VWA5B1: variants seen among roughly 807,000 people sequenced by gnomAD.
VWA5B1 encodes the protein von Willebrand factor A domain containing 5B1, also known as von Willebrand factor A domain-containing protein 5B1.
A neutral mutation model predicts 118.2 loss-of-function variants in VWA5B1; 115 were observed. The ratio of observed to expected loss-of-function variants is 0.97; its 90% CI spans 0.84 to 1.14. VWA5B1 has a LOEUF of 1.14. VWA5B1 is among the 50% of genes most tolerant of loss of function. The probability of loss-of-function intolerance (pLI) is 0.00; values close to 1 mark genes in which losing one functional copy is unlikely to be tolerated. For synonymous variants in VWA5B1, 682 were observed against 658.4 expected (o/e 1.04, Z -0.55); for missense variants, 1,596 against 1,603.8 (o/e 1.00, Z 0.08).
At chr1:20,292,857 G>A (rs1299091126) in intron 1 of VWA5B1, among the ~76,000 whole-genome samples, 1 of 152,112 alleles carries the variant, frequency 6.6e-6, no homozygotes, top group African/African-American at 2.4e-5. Context: ...TGCCCGGGTG[G>A]GTGGCCTGCA....
chr1:20,313,581 A>G (rs947045889), intron 3 of VWA5B1, among the ~76,000 whole-genome samples: 1 of 152,258 alleles, frequency 6.6e-6, no homozygotes, highest in Non-Finnish European at 1.5e-5. Flanking sequence ...CCTTTTAGGC[A>G]GCACGTCACA....
chr1:20,333,467 A>T, intron 12 of VWA5B1, among the ~76,000 whole-genome samples: 1 of 152,168 alleles, frequency 6.6e-6, no homozygotes, highest in Non-Finnish European at 1.5e-5. Flanking sequence ...ACAGAGCGAG[A>T]CTCCGTCTCA....
chr1:20,347,190 G>C (rs935418567), intron 17 of VWA5B1, among the ~76,000 whole-genome samples: 9 of 152,152 alleles, frequency 5.9e-5, no homozygotes, highest in African/African-American at 2.2e-4. Flanking sequence ...GAAAATACCA[G>C]ATTAGGAAAT....
chr1:20,323,568 G>A (rs1191649092), intron 8 of VWA5B1, 36 bp downstream of exon 8: 12 of 1,347,432 alleles, frequency 8.9e-6, no homozygotes, highest in African/African-American at 1.5e-5. Context: ...AGGACCCGGG[G>A]CTCCAGGGGA....
In VWA5B1 at chr1:20,314,647, G is replaced by A. The variant is rs867351948; in HGVS notation, c.563+55G>A. The A allele has an allele frequency of 1.3e-4, 192 of 1,531,566 alleles. 1 individual carries two copies. The African/African-American group carries it at 1.8e-3, about 15-fold the overall frequency. 94.9% of individuals were successfully genotyped at this position (1,531,566 alleles called of 1,614,324 possible). On this transcript the variant is annotated intron_variant, in intron 4 of 21. Transcript: ENST00000289815. ...GTCCCAGGTGGGCAGCAGAGAGTGCGTCAGGTGACATTAGTAGGGGACAGG... is the reference window on the plus strand; with the variant it reads ...GTCCCAGGTGGGCAGCAGAGAGTGCATCAGGTGACATTAGTAGGGGACAGG...
Position 20,350,878 on chromosome 1 carries a change from C to T in VWA5B1, c.2975C>T (p.Thr992Ile), listed in dbSNP as rs1339518253. The change falls in exon 20 of 22, where the codon ACA becomes ATA. Residue 992 changes from threonine to isoleucine, a missense_variant. Physicochemically the swap from Thr to Ile is moderately conservative, Grantham distance 89 (BLOSUM62 -1). Transcript: ENST00000289815. The part of the protein sequence containing the change: ...ASEGPQRSLA[T>I]NTLSSMKASE... ...CCAGGTCCCCAGCGCAGCCTGGCTA[C>T]AAATACTCTTTCTTCCATGAAGGCC... 18 of 1,551,816 alleles carry T rather than the reference C, an allele frequency of 1.2e-5. 1 individual carries two copies. Among genetic ancestry groups the T allele is most frequent in the Middle Eastern group, 1.7e-4 (1 of 6,014 alleles).
chr1:20,301,673 C>T (rs971852309), intron 1 of VWA5B1, among the ~76,000 whole-genome samples: 6 of 152,240 alleles, frequency 3.9e-5, no homozygotes, highest in African/African-American at 1.4e-4. Flanking sequence ...ACACGGGAAG[C>T]GGTGTGCTGG....
At chr1:20,301,657 C>T (rs2088507009) in intron 1 of VWA5B1, among the ~76,000 whole-genome samples, 2 of 152,334 alleles carry the variant, frequency 1.3e-5, no homozygotes, top group African/African-American at 4.8e-5. Context: ...CGGTGAGCCC[C>T]TCAGCACACG....
chr1:20,326,992 A>G (rs1363024397), intron 8 of VWA5B1, among the ~76,000 whole-genome samples: 1 of 152,136 alleles, frequency 6.6e-6, no homozygotes, highest in African/African-American at 2.4e-5. Flanking sequence ...TTATCATTGC[A>G]TTGTATCATA....
At position 20,353,658 on chromosome 1, in the gene VWA5B1, C is replaced by A. The variant is rs1468966292; in HGVS notation, c.3142-99C>A. On this transcript the variant is annotated intron_variant, in intron 21 of 21. Transcript: ENST00000289815. ...GTATCCTGAAAATCCCCCAGGCAGGCAGGGTGGGGTGGGCAACATGGATCC... is the reference window on the plus strand; with the variant it reads ...GTATCCTGAAAATCCCCCAGGCAGGAAGGGTGGGGTGGGCAACATGGATCC... 2.9e-6 allele frequency: 4 copies of A among 1,403,342 alleles called. No homozygotes were observed. The African/African-American group carries it at 5.8e-5, about 20-fold the overall frequency. The allele number at this position is 1,403,342 out of a possible 1,614,324, so 86.9% of individuals were successfully genotyped here.
At chr1:20,328,097 G>A (rs2100916433) in intron 9 of VWA5B1, 97 bp downstream of exon 9, 6 of 1,193,434 alleles carry the variant, frequency 5.0e-6, no homozygotes, top group Middle Eastern at 2.7e-4. Flanking sequence ...CCCTAGTGCT[G>A]GCCTCAGAAG....
chr1:20,315,778 G>C (rs12144694), intron 4 of VWA5B1, among the ~76,000 whole-genome samples: 45,822 of 152,108 alleles, frequency 0.3, 7,211 homozygotes, highest in East Asian at 0.39. Flanking sequence ...GGTGACAAGG[G>C]GGAACGTGCA....
At chr1:20,335,123 A>G (rs2089675080) in intron 12 of VWA5B1, among the ~76,000 whole-genome samples, 1 of 152,194 alleles carries the variant, frequency 6.6e-6, no homozygotes, top group African/African-American at 2.4e-5. Flanking sequence ...AGCCTGGGCA[A>G]CCTAGTGAGA....
chr1:20,323,466 C>T lies in VWA5B1; in HGVS notation c.1077C>T (p.His359=), dbSNP rs907793018. ...TCCAGCCGTGCCTGAGAAAGGCCCA[C>T]GGGGAGTTCATCTTCCTCATTGACA... ...QSVQPCLRKA[H]GEFIFLIDRS... The change falls in exon 8 of 22, where the codon CAC becomes CAT. Residue 359 remains histidine, a synonymous_variant. Coordinates refer to ENST00000289815, the MANE Select transcript of VWA5B1 (RefSeq NM_001039500.3). The T allele has an allele frequency of 2.0e-5, 30 of 1,534,810 alleles. No individual in the cohort carries two copies. The highest frequency in any genetic ancestry group is 8.3e-5 in the African/African-American group (6 of 72,252).
At position 20,356,333 on chromosome 1, in the gene VWA5B1, C is replaced by T. The variant is rs1386704677; in HGVS notation, c.*2070C>T. ...GGGGCTTTCTCCTGCTCTGACAGTC[C>T]CAGACTCTCTGCCTCTGAGATGTTT... On this transcript the variant is annotated 3_prime_UTR_variant, in exon 22 of 22. Transcript: ENST00000289815. 6.6e-6 allele frequency among the ~76,000 whole-genome samples: 1 copy of T among 152,186 alleles called. No homozygotes were observed. Among genetic ancestry groups the T allele is most frequent in the Non-Finnish European group, 1.5e-5 (1 of 68,024 alleles).
intron 1 of VWA5B1, among the ~76,000 whole-genome samples, chr1:20,305,120 G>T (rs61111989): frequency 0.018 from 2,712 of 151,972 alleles, 92 homozygotes; most frequent in African/African-American, 0.061. Flanking sequence ...AAATAAGCAA[G>T]ATATATATTA....
chr1:20,329,406 T>A (rs1469640611), intron 9 of VWA5B1, among the ~76,000 whole-genome samples: 1 of 148,018 alleles, frequency 6.8e-6, no homozygotes, highest in African/African-American at 2.5e-5. Context: ...CCTCTCAGGT[T>A]CAAGCGATTC....
At chr1:20,308,951 G>A (rs535671622) in intron 1 of VWA5B1, among the ~76,000 whole-genome samples, 14 of 152,224 alleles carry the variant, frequency 9.2e-5, no homozygotes, top group East Asian at 7.7e-4. Context: ...CACCTACCCC[G>A]CAGACAGGAA....
At chr1:20,319,327 C>A in intron 6 of VWA5B1, 55 bp from the exon 7 acceptor site, 1 of 1,543,562 alleles carries the variant, frequency 6.5e-7, no homozygotes. Context: ...AAGCCCCCAG[C>A]ATCCTTCTCC....
Sources: gnomAD v4.1 joint callset for allele counts (sites outside exome capture counted in the v4.1 genomes callset) on GRCh38, gnomAD v4.1.1 for gene constraint, MANE v1.5 for transcripts, NCBI Gene and HGNC (gene_info 2026-07-23, HGNC 2026-07-21) for gene names.